Variants in NID2 observed in about 807,000 individuals in gnomAD.
NID2 encodes the protein nidogen 2, also known as nidogen-2.
NID2 carries 83 observed loss-of-function variants against 145.4 expected under a neutral mutation model. The observed-to-expected ratio is 0.57, with a 90% confidence interval of 0.48 to 0.69. The LOEUF (loss-of-function observed/expected upper bound fraction) is 0.69. NID2 is among the 30% of genes least tolerant of loss of function. NID2 has a pLI of 0.00. For synonymous variants in NID2, 739 were observed against 701.3 expected (o/e 1.05, Z -0.85); for missense variants, 1,807 against 1,765.7 (o/e 1.02, Z -0.42).
intron 14 of NID2, 122 bp from the exon 15 acceptor site, chr14:52,015,397 C>A: frequency 1.1e-6 from 1 of 889,036 alleles, no homozygotes; most frequent in South Asian, 1.8e-5. Context: ...CTGTCCAGGT[C>A]TCAGCCAAGC....
In NID2 at chr14:52,053,877, T is replaced by A. The variant is rs775637908; in HGVS notation, c.1131A>T (p.Pro377=). The A allele has an allele frequency of 6.2e-7, 1 of 1,614,128 alleles. No homozygotes were observed. Among genetic ancestry groups the A allele is most frequent in the South Asian group, 1.1e-5 (1 of 91,082 alleles). The change falls in exon 5 of 22, where the codon CCA becomes CCT. Residue 377 remains proline, a synonymous_variant. Transcript: ENST00000216286. ...EGTSLGEVGG[P]DLKGQVEPWD... ...AGGGCTCAACTTGGCCTTTTAAATCTGGGCCCCCTACCTCTCCCAGAGATG... is the reference window on the plus strand; with the variant it reads ...AGGGCTCAACTTGGCCTTTTAAATCAGGGCCCCCTACCTCTCCCAGAGATG...
At chr14:52,023,259 T>C (rs374517618) in intron 12 of NID2, among the ~76,000 whole-genome samples, 36 of 151,974 alleles carry the variant, frequency 2.4e-4, no homozygotes, top group African/African-American at 5.1e-4. Flanking sequence ...GGTAGATCGA[T>C]TGAGCTCAGG....
Position 52,028,618 on chromosome 14 carries a change from T to C in NID2, c.2530+104A>G, listed in dbSNP as rs1241296420. 6.8e-6 allele frequency: 9 copies of C among 1,319,948 alleles called. No individual in the cohort carries two copies. In the African/African-American group the frequency reaches 1.2e-4, roughly 17 times the overall value. The allele number at this position is 1,319,948 out of a possible 1,614,324, so 81.8% of individuals were successfully genotyped here. A position where few individuals can be genotyped will look rare whatever the true frequency, so the allele number is the denominator to read the frequency against. ...GTAAACTGTCTTCTTAAGAAAACCA[T>C]ATAGCAGAGCCTCTGAATAGCAGAA... On this transcript the variant is annotated intron_variant, in intron 11 of 21. Coordinates refer to ENST00000216286, the MANE Select transcript of NID2 (RefSeq NM_007361.4).
intron 5 of NID2, among the ~76,000 whole-genome samples, chr14:52,050,971 G>A (rs900128092): frequency 1.3e-5 from 2 of 152,168 alleles, no homozygotes; most frequent in Admixed American, 1.3e-4. Context: ...TACACGGCAG[G>A]TGCTTGGGTA....
intron 18 of NID2, chr14:52,009,914 G>A (rs1890942286): frequency 6.6e-6 from 1 of 151,992 alleles, no homozygotes; most frequent in Non-Finnish European, 1.5e-5. Context: ...TTGAACCCGG[G>A]AGATGGAGGT....
At position 52,007,936 on chromosome 14, in the gene NID2, C is replaced by G. The variant is rs966408781; in HGVS notation, c.3754G>C (p.Ala1252Pro). 1 of 1,613,462 alleles carries G rather than the reference C, an allele frequency of 6.2e-7. No individual in the cohort carries two copies. Among genetic ancestry groups the G allele is most frequent in the Non-Finnish European group, 8.5e-7 (1 of 1,179,848 alleles). Residue 1252 changes from alanine to proline, a missense_variant, in exon 19 of 22, where the codon GCT (alanine) becomes CCT (proline). Ala to Pro is a conservative substitution (Grantham distance 27, BLOSUM62 -1). Coordinates refer to ENST00000216286, the MANE Select transcript of NID2 (RefSeq NM_007361.4). ...AAAGATGACGTTTCAATTTTAGGAG[C>G]TTCTCTATTCCAGTCTGTCCAGTAC... ...NLYWTDWNRE[A>P]PKIETSSLDG... is the part of the protein sequence containing the mutation.
chr14:52,015,409 C>T (rs186081613), intron 14 of NID2, 134 bp from the exon 15 acceptor site: 17 of 740,178 alleles, frequency 2.3e-5, no homozygotes, highest in South Asian at 2.2e-4. Flanking sequence ...CAGCCAAGCC[C>T]GTGGACACCA....
chr14:52,008,168 C>T (rs530414326), intron 18 of NID2: 11 of 458,076 alleles, frequency 2.4e-5, no homozygotes, highest in African/African-American at 4.0e-5. Flanking sequence ...TGCCGATATT[C>T]GGTCTCAAAA....
chr14:52,035,136 A>C (rs1001362804), intron 9 of NID2, among the ~76,000 whole-genome samples: 2 of 152,180 alleles, frequency 1.3e-5, no homozygotes, highest in Non-Finnish European at 2.9e-5. Flanking sequence ...TAATGCCCAT[A>C]GTCTGCAGTA....
rs768393687 is a variant in NID2 at position 52,053,756 on chromosome 14, C to T, written c.1252G>A (p.Gly418Arg). The change falls in exon 5 of 22, where the codon GGA becomes AGA. Residue 418 changes from glycine (G) to arginine (R), a missense_variant. By Grantham distance (125) the Gly-to-Arg change is moderately radical (BLOSUM62 -2). Transcript: ENST00000216286. ...WETPPPYPEN[G>R]SIQPYPDGGP... ...CCATCTGGGTAGGGCTGGATGCTTC[C>T]GTTTTCGGGGTACGGTGGTGGGGTT... The T allele has an allele frequency of 4.1e-5, 66 of 1,614,064 alleles. No homozygotes were observed. Among genetic ancestry groups the T allele is most frequent in the Non-Finnish European group, 4.7e-5 (55 of 1,180,030 alleles).
intron 2 of NID2, among the ~76,000 whole-genome samples, chr14:52,067,246 A>T (rs1005786048): frequency 4.6e-5 from 7 of 152,246 alleles, no homozygotes; most frequent in Admixed American, 6.5e-5. Flanking sequence ...TAATAGCAGG[A>T]TACAGTAGTA....
In NID2 at chr14:52,054,049, T is replaced by C. The variant is rs766958992; in HGVS notation, c.1040A>G (p.Gln347Arg). The C allele has an allele frequency of 1.2e-6, 2 of 1,614,180 alleles. No homozygotes were observed. Among genetic ancestry groups the C allele is most frequent in the Non-Finnish European group, 1.7e-6 (2 of 1,180,018 alleles). Reference sequence around the variant, plus strand: ...TAAAGGCTTTGTATCCACTTTGGATTGGAAGGAAACATCAATGCTGCTGTG... The same window carrying C: ...TAAAGGCTTTGTATCCACTTTGGATCGGAAGGAAACATCAATGCTGCTGTG... ...NGHSSIDVSF[Q>R]SKVDTKPLEE... The change falls in exon 4 of 22, where the codon CAA becomes CGA. Residue 347 changes from glutamine to arginine, a missense_variant. Physicochemically the swap from Gln to Arg is conservative, Grantham distance 43. Transcript: ENST00000216286.
intron 5 of NID2, among the ~76,000 whole-genome samples, chr14:52,048,207 T>C (rs1451269944): frequency 6.6e-6 from 1 of 152,222 alleles, no homozygotes. Context: ...GCTCAGTGCT[T>C]ACGGCCCATT....
chr14:52,052,990 G>C (rs971138278), intron 5 of NID2, among the ~76,000 whole-genome samples: 1 of 152,156 alleles, frequency 6.6e-6, no homozygotes, highest in Non-Finnish European at 1.5e-5. Context: ...TGAGGACAAG[G>C]CTCCAGGGAG....
At position 52,068,820 on chromosome 14, in the gene NID2, C is replaced by A. The variant is rs1375780357; in HGVS notation, c.175G>T (p.Val59Leu). Residue 59 changes from valine (V) to leucine (L), a missense_variant, in exon 1 of 22, where the codon GTG becomes TTG. Transcript: ENST00000216286. ...QEGDDESSAVVKLANPLHFYE... is the reference protein window; with the variant it reads ...QEGDDESSAVLKLANPLHFYE... ...AAGTGCAGGGGATTCGCCAGCTTCACCACGGCTGAGCTTTCGTCGTCGCCT... is the reference window on the plus strand; with the variant it reads ...AAGTGCAGGGGATTCGCCAGCTTCAACACGGCTGAGCTTTCGTCGTCGCCT... 2.5e-6 allele frequency: 4 copies of A among 1,611,250 alleles called. No homozygotes were observed. The African/African-American group carries it at 5.3e-5, about 21-fold the overall frequency.
rs1890729767 is a variant in NID2 at position 52,005,428 on chromosome 14, G to GTTCT, written c.*54_*57dup. 2.0e-6 allele frequency: 3 copies of GTTCT among 1,495,952 alleles called. No individual in the cohort carries two copies. The Admixed American group carries it at 6.7e-5, about 34-fold the overall frequency. 92.7% of individuals were successfully genotyped at this position (1,495,952 alleles called of 1,614,324 possible). A position where few individuals can be genotyped will look rare whatever the true frequency, so the allele number is the denominator to read the frequency against. On this transcript the variant is annotated 3_prime_UTR_variant, in exon 22 of 22. Transcript: ENST00000216286. ...TACTTTCTTTGCCTTTGCAGTCACTGTTCTTTAGGGTCCAGGTTCTGATTG... is the reference window on the plus strand; with the variant it reads ...TACTTTCTTTGCCTTTGCAGTCACTGTTCTTTCTTTAGGGTCCAGGTTCTGATTG...
chr14:52,042,354 A>C lies in NID2; in HGVS notation c.1580-4T>G, dbSNP rs1318901817. ...CCATTCACTCGGTGAGGTGCCCCTA[A>C]AAGACAGCAAATCCAGTTAGGCTTG... On this transcript the variant is annotated splice_region_variant and splice_polypyrimidine_tract_variant and intron_variant, in intron 6 of 21. Transcript: ENST00000216286. The C allele has an allele frequency of 3.1e-6, 5 of 1,603,370 alleles. No homozygotes were observed. The highest frequency in any genetic ancestry group is 4.3e-6 in the Non-Finnish European group (5 of 1,172,030).
Position 52,011,675 on chromosome 14 carries a change from T to A in NID2, c.3429A>T (p.Ile1143=). The A allele has an allele frequency of 6.2e-7, 1 of 1,614,154 alleles. No homozygotes were observed. The highest frequency in any genetic ancestry group is 2.2e-5 in the East Asian group (1 of 44,882). The part of the protein sequence containing the change: ...AKTLLSLHGS[I]IVGIDYDCRE... ...GGCAGTCGTAATCAATTCCCACGAT[T>A]ATGGAGCCCTTTGTGCATCAAATCA... is the stretch of plus-strand genomic sequence containing the variant. The change falls in exon 17 of 22, where the codon ATA becomes ATT. Residue 1143 remains isoleucine, a synonymous_variant. Transcript: ENST00000216286.
intron 16 of NID2, among the ~76,000 whole-genome samples, chr14:52,012,581 C>CA (rs74855510): frequency 0.2 from 30,203 of 151,984 alleles, 3,674 homozygotes; most frequent in East Asian, 0.54. Flanking sequence ...CTGGGCAACA[C>CA]AGAGCTACAC....
Sources: allele counts gnomAD v4.1 joint callset (sites outside exome capture counted in the v4.1 genomes callset), GRCh38; gene constraint gnomAD v4.1.1; transcripts MANE v1.5; gene names NCBI Gene and HGNC (gene_info 2026-07-23, HGNC 2026-07-21).